The following NEK11 variants were observed in gnomAD, a reference collection of about 807,000 sequenced individuals.
The protein encoded by NEK11 is serine/threonine-protein kinase Nek11.
A neutral mutation model predicts 80.7 loss-of-function variants in NEK11; 72 were observed. The observed-to-expected ratio is 0.89, with a 90% CI of 0.74 to 1.08. The LOEUF is 1.08. Among genes scored for constraint, NEK11 ranks in the 50% least tolerant of loss-of-function variants. The pLI, the probability that NEK11 is intolerant of heterozygous loss-of-function variation, is 0.00. For synonymous variants in NEK11, 251 were observed against 260.7 expected, an observed-to-expected ratio of 0.96 and a Z score of 0.36; for missense variants, 764 against 763.6, an observed-to-expected ratio of 1.00 and a Z score of -0.01.
chr3:131,263,918 G>A (rs2095989360), intron 16 of NEK11, among the ~76,000 whole-genome samples: 1 of 152,176 alleles, frequency 6.6e-6, no homozygotes. Context: ...ACTGCTGTGA[G>A]ATGGTATCTC....
At chr3:131,194,968 G>C (rs2093941395) in intron 14 of NEK11, among the ~76,000 whole-genome samples, 2 of 152,076 alleles carry the variant, frequency 1.3e-5, no homozygotes, top group South Asian at 4.2e-4. Flanking sequence ...GGATTCTGAG[G>C]TACTATTACC....
At chr3:131,203,647 TACACAC>T (rs200367128) in intron 14 of NEK11, among the ~76,000 whole-genome samples, 2,432 of 134,890 alleles carry the variant, frequency 0.018, 75 homozygotes, top group African/African-American at 0.062. Context: ...GATATTGTGA[TACACAC>T]ACACACACAC....
At chr3:131,266,877 A>G (rs139965089) in intron 16 of NEK11, among the ~76,000 whole-genome samples, 200 of 152,188 alleles carry the variant, frequency 1.3e-3, no homozygotes, top group Non-Finnish European at 2.2e-3. Context: ...GTGCTCCTGT[A>G]TTGGGTGCTT....
At chr3:131,194,208 A>G (rs1031272962) in intron 14 of NEK11, among the ~76,000 whole-genome samples, 1 of 152,228 alleles carries the variant, frequency 6.6e-6, no homozygotes, top group Non-Finnish European at 1.5e-5. Flanking sequence ...TTCTTAAATG[A>G]ATGTATTCCT....
At chr3:131,305,755 T>A (rs1401942470) in intron 17 of NEK11, among the ~76,000 whole-genome samples, 3 of 152,164 alleles carry the variant, frequency 2.0e-5, no homozygotes, top group Admixed American at 1.3e-4. Flanking sequence ...CCTCACCTAT[T>A]CAACTCACCC....
At chr3:131,043,227 G>A (rs548326012) in intron 3 of NEK11, among the ~76,000 whole-genome samples, 5 of 152,266 alleles carry the variant, frequency 3.3e-5, no homozygotes, top group South Asian at 2.1e-4. Context: ...ACAACTCCTC[G>A]CCAGCAAGAG....
chr3:131,161,399 A>G (rs1463281013), intron 10 of NEK11, among the ~76,000 whole-genome samples: 1 of 152,212 alleles, frequency 6.6e-6, no homozygotes, highest in Admixed American at 6.5e-5. Context: ...TCATTGCAGC[A>G]TTGTTCACAA....
chr3:131,321,859 A>C (rs969585347), intron 17 of NEK11, among the ~76,000 whole-genome samples: 7 of 152,230 alleles, frequency 4.6e-5, no homozygotes, highest in Admixed American at 2.6e-4. Context: ...GTGAGGCTGC[A>C]GAGAAAAGCT....
At chr3:131,272,463 C>CTTTTTT (rs869304359) in intron 16 of NEK11, among the ~76,000 whole-genome samples, 1,536 of 43,886 alleles carry the variant, frequency 0.035, 334 homozygotes, top group Non-Finnish European at 0.05. Flanking sequence ...GTTTTAGCTT[C>CTTTTTT]TTTTTTTTTT....
rs776726365 is a variant in NEK11, at chr3:131,317,741, C to A, written c.1719-31816C>A. Among the ~76,000 whole-genome samples the A allele has an allele frequency of 4.8e-5, 5 of 103,442 alleles. No individual in the cohort carries two copies. In the South Asian group the frequency reaches 1.3e-3, roughly 27 times the overall value. The allele number at this position is 103,442 out of a possible 152,430, so 67.9% of individuals were successfully genotyped here. A position where few individuals can be genotyped will look rare whatever the true frequency, so the allele number is the denominator to read the frequency against. On this transcript the variant is annotated intron_variant, in intron 17 of 17. Coordinates refer to ENST00000383366, the MANE Select transcript of NEK11 (RefSeq NM_024800.5). ...GAAACCCTTGGGTGACATAGTGAAA[C>A]CCCTGTCTCTACCCCCACCCAAGAA...
intron 14 of NEK11, among the ~76,000 whole-genome samples, chr3:131,195,770 T>C (rs1277704735): frequency 1.5e-5 from 2 of 134,328 alleles, no homozygotes; most frequent in African/African-American, 2.9e-5. Flanking sequence ...ACAAATTGTA[T>C]ATATAAAGAA....
intron 3 of NEK11, among the ~76,000 whole-genome samples, chr3:131,036,122 A>G (rs1553803243): frequency 6.6e-6 from 1 of 152,228 alleles, no homozygotes; most frequent in Non-Finnish European, 1.5e-5. Flanking sequence ...GGTCCTAGTC[A>G]TTGCCTCTGA....
intron 14 of NEK11, among the ~76,000 whole-genome samples, chr3:131,215,556 A>G (rs1309655434): frequency 3.9e-5 from 6 of 152,176 alleles, no homozygotes; most frequent in East Asian, 1.9e-4. Context: ...CAACCTGTGC[A>G]TGTAGATATG....
At chr3:131,080,394 A>T in intron 3 of NEK11, 29 bp from the exon 4 acceptor site, 1 of 1,536,644 alleles carries the variant, frequency 6.5e-7, no homozygotes, top group East Asian at 2.3e-5. Context: ...TTCAGCTCTA[A>T]ATGTTTTTAA....
At chr3:131,209,098 G>A (rs1186526158) in intron 14 of NEK11, among the ~76,000 whole-genome samples, 1 of 152,054 alleles carries the variant, frequency 6.6e-6, no homozygotes, top group Non-Finnish European at 1.5e-5. Context: ...ATTGGCTGTG[G>A]GTTTGTCATA....
At position 131,198,585 on chromosome 3, in the gene NEK11, T is replaced by C. The variant is rs114794044; in HGVS notation, c.1399+27698T>C. ...CTTTTTCAGATACTAAGACTGCTAC[T>C]GTCGCCAATACCCGTAAACAATGTG... is the stretch of plus-strand genomic sequence containing the variant. On this transcript the variant is annotated intron_variant, in intron 14 of 17. Coordinates refer to ENST00000383366, the MANE Select transcript of NEK11 (RefSeq NM_024800.5). 4.9e-3 allele frequency among the ~76,000 whole-genome samples: 746 copies of C among 152,342 alleles called. 11 individuals carry two copies. The highest frequency in any genetic ancestry group is 0.017 in the African/African-American group (710 of 41,576).
intron 14 of NEK11, among the ~76,000 whole-genome samples, chr3:131,214,405 A>G (rs553571027): frequency 6.6e-6 from 1 of 152,314 alleles, no homozygotes; most frequent in African/African-American, 2.4e-5. Context: ...CCCACTATGT[A>G]CCAAATTTTT....
At chr3:131,207,119 A>G (rs2094463819) in intron 14 of NEK11, among the ~76,000 whole-genome samples, 1 of 152,260 alleles carries the variant, frequency 6.6e-6, no homozygotes, top group South Asian at 2.1e-4. Context: ...TAGTGCCACA[A>G]TAAACATATG....
At chr3:131,213,387 A>G (rs1000927896) in intron 14 of NEK11, among the ~76,000 whole-genome samples, 1 of 152,176 alleles carries the variant, frequency 6.6e-6, no homozygotes, top group South Asian at 2.1e-4. Context: ...GAAAAGAGAA[A>G]TTATGATGTT....
Sources: allele counts gnomAD v4.1 joint callset (sites outside exome capture counted in the v4.1 genomes callset), GRCh38; gene constraint gnomAD v4.1.1; transcripts MANE v1.5; gene names NCBI Gene and HGNC (gene_info 2026-07-23, HGNC 2026-07-21).